CNTNAP2: variants seen among roughly 807,000 people sequenced by gnomAD.
The protein encoded by CNTNAP2 is contactin associated protein 2.
Under a neutral mutation model 155.2 loss-of-function variants are expected in CNTNAP2, and 98 were observed. The observed-to-expected ratio is 0.63, with a 90% CI of 0.54 to 0.75. CNTNAP2 has a LOEUF of 0.75. CNTNAP2 is among the 30% of genes least tolerant of loss of function. The pLI, the probability that CNTNAP2 is intolerant of heterozygous loss-of-function variation, is 0.00. For synonymous variants in CNTNAP2, 651 were observed against 631.2 expected (o/e 1.03, Z -0.47); for missense variants, 1,727 against 1,688.1 (o/e 1.02, Z -0.40).
At chr7:146,324,946 T>C (rs1323045422) in intron 1 of CNTNAP2, among the ~76,000 whole-genome samples, 2 of 152,136 alleles carry the variant, frequency 1.3e-5, no homozygotes, top group Non-Finnish European at 2.9e-5. Flanking sequence ...ACAATATAGT[T>C]TTTTTGGATA....
chr7:146,151,648 A>G lies in CNTNAP2; in HGVS notation c.97+34675A>G, dbSNP rs1174495889. Among the ~76,000 whole-genome samples the G allele has an allele frequency of 4.8e-4, 9 of 18,668 alleles. 1 individual carries two copies. Among genetic ancestry groups the G allele is most frequent in the Non-Finnish European group, 7.1e-4 (6 of 8,414 alleles). The allele number at this position is 18,668 out of a possible 152,430, so 12.2% of individuals were successfully genotyped here. On this transcript the variant is annotated intron_variant, in intron 1 of 23. Coordinates refer to ENST00000361727, the MANE Select transcript of CNTNAP2 (RefSeq NM_014141.6). ...CAAAGAAAACGTGATATATATATAT[A>G]TATATATATATATATATATATATAT...
intron 1 of CNTNAP2, among the ~76,000 whole-genome samples, chr7:146,344,470 C>CTT (rs566140535): frequency 6.9e-6 from 1 of 144,742 alleles, no homozygotes; most frequent in African/African-American, 2.5e-5. Context: ...ATTGAACTAG[C>CTT]TTTTTTTTTT....
chr7:147,264,660 A>G (rs994560836), intron 8 of CNTNAP2, among the ~76,000 whole-genome samples: 4 of 150,918 alleles, frequency 2.7e-5, no homozygotes, highest in African/African-American at 7.3e-5. Context: ...GAGCAGCTGC[A>G]TCAGAACCCT....
At chr7:147,006,058 T>A (rs1798518500) in intron 3 of CNTNAP2, among the ~76,000 whole-genome samples, 1 of 152,020 alleles carries the variant, frequency 6.6e-6, no homozygotes, top group Non-Finnish European at 1.5e-5. Context: ...AAAGACAGAT[T>A]AACAAGAAAC....
At chr7:146,952,650 C>T (rs879875461) in intron 3 of CNTNAP2, among the ~76,000 whole-genome samples, 3 of 151,958 alleles carry the variant, frequency 2.0e-5, no homozygotes, top group African/African-American at 7.3e-5. Context: ...AAACAAAGAG[C>T]CAAATCATGA....
intron 3 of CNTNAP2, among the ~76,000 whole-genome samples, chr7:146,976,731 T>C (rs1025233644): frequency 2.0e-5 from 3 of 152,122 alleles, no homozygotes; most frequent in African/African-American, 7.2e-5. Context: ...ACAGGCATGA[T>C]TGAAGCATGG....
chr7:146,134,862 C>G (rs1264994877), intron 1 of CNTNAP2, among the ~76,000 whole-genome samples: 1 of 151,604 alleles, frequency 6.6e-6, no homozygotes, highest in Non-Finnish European at 1.5e-5. Flanking sequence ...GGATATTGGT[C>G]TAAAATTCTC....
At chr7:147,816,096 G>A (rs1798261489) in intron 13 of CNTNAP2, among the ~76,000 whole-genome samples, 1 of 152,218 alleles carries the variant, frequency 6.6e-6, no homozygotes, top group African/African-American at 2.4e-5. Flanking sequence ...ATTGTCCCAA[G>A]CAACAGCATG....
chr7:146,917,534 C>T (rs966724773), intron 3 of CNTNAP2, among the ~76,000 whole-genome samples: 5 of 152,032 alleles, frequency 3.3e-5, no homozygotes, highest in African/African-American at 1.2e-4. Flanking sequence ...TTTCCTGTTG[C>T]ACTAGTGCTT....
Position 146,551,294 on chromosome 7 carries a change from C to G in CNTNAP2, c.98-222977C>G, listed in dbSNP as rs1052928630. On this transcript the variant is annotated intron_variant, in intron 1 of 23. Transcript: ENST00000361727. Reference sequence around the variant, plus strand: ...CTAATGCTGTCCCTTCCCCCTCCCTCCACCCCACAACAGGCCCCAGTGTGT... The same window carrying G: ...CTAATGCTGTCCCTTCCCCCTCCCTGCACCCCACAACAGGCCCCAGTGTGT... 5.9e-5 allele frequency among the ~76,000 whole-genome samples: 9 copies of G among 152,032 alleles called. 1 individual carries two copies. The highest frequency in any genetic ancestry group is 3.9e-4 in the Admixed American group (6 of 15,248).
chr7:147,910,192 T>C lies in CNTNAP2; in HGVS notation c.2255+6471T>C, dbSNP rs564716265. ...TTTTTGTCCTTGTTTATAAGAAATTTGATTGAATCTTAGTGACTTTTTTCA... is the reference window on the plus strand; with the variant it reads ...TTTTTGTCCTTGTTTATAAGAAATTCGATTGAATCTTAGTGACTTTTTTCA... On this transcript the variant is annotated intron_variant, in intron 14 of 23. Coordinates refer to ENST00000361727, the MANE Select transcript of CNTNAP2 (RefSeq NM_014141.6). Among the ~76,000 whole-genome samples the C allele has an allele frequency of 3.3e-3, 498 of 152,348 alleles. 3 individuals carry two copies. Among genetic ancestry groups the C allele is most frequent in the African/African-American group, 0.011 (475 of 41,580 alleles).
In CNTNAP2 at chr7:147,481,029, C is replaced by T. The variant is rs546268112; in HGVS notation, c.1671-4906C>T. Among the ~76,000 whole-genome samples, 9 of 152,244 alleles carry T rather than the reference C, an allele frequency of 5.9e-5. No homozygotes were observed. In the South Asian group the frequency reaches 1.9e-3, roughly 32 times the overall value. On this transcript the variant is annotated intron_variant, in intron 10 of 23. Coordinates refer to ENST00000361727, the MANE Select transcript of CNTNAP2 (RefSeq NM_014141.6). ...CTGATACACACGGCACTGTTCATTG[C>T]GCTTGGTACCACCAGAACATATTTC... is the stretch of plus-strand genomic sequence containing the variant.
At chr7:147,136,194 T>C (rs188631144) in intron 8 of CNTNAP2, among the ~76,000 whole-genome samples, 42 of 152,098 alleles carry the variant, frequency 2.8e-4, no homozygotes, top group African/African-American at 9.9e-4. Context: ...AAGTGATTTA[T>C]CTTAATATTC....
chr7:147,719,838 C>T (rs919871245), intron 13 of CNTNAP2, among the ~76,000 whole-genome samples: 1 of 152,082 alleles, frequency 6.6e-6, no homozygotes, highest in Non-Finnish European at 1.5e-5. Context: ...GAAGCATCCA[C>T]CTCTTTATAT....
chr7:147,801,913 G>T (rs1299376650), intron 13 of CNTNAP2, among the ~76,000 whole-genome samples: 1 of 142,054 alleles, frequency 7.0e-6, no homozygotes, highest in Non-Finnish European at 1.6e-5. Context: ...GGGCAGAGGC[G>T]CCCCTCACCT....
rs191232122 is a variant in CNTNAP2 at position 148,353,372 on chromosome 7, C to G, written c.3476-30277C>G. 2.5e-3 allele frequency among the ~76,000 whole-genome samples: 376 copies of G among 152,282 alleles called. 2 individuals are homozygous for G. The highest frequency in any genetic ancestry group is 8.2e-3 in the African/African-American group (339 of 41,568). The stretch of plus-strand genomic sequence containing the variant: ...TATGGATTCTGGAATGATTCATTCC[C>G]CCCAAAACCTGGAACTCGAGGGCAG... On this transcript the variant is annotated intron_variant, in intron 21 of 23. Transcript: ENST00000361727.
intron 13 of CNTNAP2, among the ~76,000 whole-genome samples, chr7:147,740,412 A>G (rs1439638461): frequency 2.0e-5 from 3 of 152,340 alleles, no homozygotes; most frequent in African/African-American, 7.2e-5. Flanking sequence ...TCACCCTGCT[A>G]CAGCTCGTTC....
rs751291415 is a variant in CNTNAP2 at position 147,977,845 on chromosome 7, C to T, written c.2256-17C>T. 4 of 1,613,972 alleles carry T rather than the reference C, an allele frequency of 2.5e-6. No individual in the cohort carries two copies. The Admixed American group carries it at 6.7e-5, about 27-fold the overall frequency. On this transcript the variant is annotated splice_polypyrimidine_tract_variant and intron_variant, in intron 14 of 23. Transcript: ENST00000361727. Reference sequence around the variant, plus strand: ...TGCAGCCTCCTCATTCTTTTTCTGTCTTTCCCTGTGATCCAGGAGGAAGGA... The same window carrying T: ...TGCAGCCTCCTCATTCTTTTTCTGTTTTTCCCTGTGATCCAGGAGGAAGGA...
At chr7:147,541,726 A>G (rs966644938) in intron 11 of CNTNAP2, among the ~76,000 whole-genome samples, 1 of 152,210 alleles carries the variant, frequency 6.6e-6, no homozygotes, top group African/African-American at 2.4e-5. Flanking sequence ...GCATAGAACT[A>G]TTTAAAAGAG....
Sources: gnomAD v4.1 joint callset for allele counts (sites outside exome capture counted in the v4.1 genomes callset) on GRCh38, gnomAD v4.1.1 for gene constraint, MANE v1.5 for transcripts, NCBI Gene and HGNC (gene_info 2026-07-23, HGNC 2026-07-21) for gene names.